CASD1: variants seen among roughly 807,000 people sequenced by gnomAD.
The protein encoded by CASD1 is CAS1 domain sialic acid O acetyltransferase 1, also known as N-acetylneuraminate (7)9-O-acetyltransferase.
Under a neutral mutation model 100.0 loss-of-function variants are expected in CASD1, and 41 were observed. The ratio of observed to expected loss-of-function variants is 0.41; its 90% confidence interval spans 0.32 to 0.53. CASD1 has a LOEUF of 0.53. Ranked by LOEUF, CASD1 falls within the 20% of genes least tolerant of loss-of-function variation. The pLI, the probability that CASD1 is intolerant of heterozygous loss-of-function variation, is 0.25. For synonymous variants in CASD1, 321 were observed against 315.6 expected, an observed-to-expected ratio of 1.02 and a Z score of -0.18; for missense variants, 774 against 948.7, an observed-to-expected ratio of 0.82 and a Z score of 2.42.
intron 5 of CASD1, among the ~76,000 whole-genome samples, chr7:94,532,215 C>T (rs1229917151): frequency 6.6e-6 from 1 of 151,982 alleles, no homozygotes; most frequent in Non-Finnish European, 1.5e-5. Context: ...ATGTTTTTTC[C>T]TATACATACA....
At chr7:94,561,851 T>C (rs1000785398), downstream of CASD1, among the ~76,000 whole-genome samples, 5 of 152,148 alleles carry the variant, frequency 3.3e-5, no homozygotes, top group Non-Finnish European at 7.4e-5. Context: ...GATTTGCTTT[T>C]TATCACTTCC....
At chr7:94,513,405 T>C (rs1793817245) in intron 1 of CASD1, among the ~76,000 whole-genome samples, 1 of 152,140 alleles carries the variant, frequency 6.6e-6, no homozygotes, top group Non-Finnish European at 1.5e-5. Context: ...AAATCTGACC[T>C]GAGCCTACTT....
chr7:94,541,122 A>G (rs1009373499), intron 10 of CASD1, among the ~76,000 whole-genome samples: 2 of 152,036 alleles, frequency 1.3e-5, no homozygotes, highest in Non-Finnish European at 1.5e-5. Context: ...TGATTAACTA[A>G]CATATCCCTG....
chr7:94,617,775 T>C, the CASD1 span: 3 of 116,074 alleles, frequency 2.6e-5, no homozygotes, highest in African/African-American at 3.8e-5. Context: ...CTCACTGTTT[T>C]TCCCCATCTG....
intron 3 of CASD1, among the ~76,000 whole-genome samples, chr7:94,521,697 A>G (rs1794283585): frequency 6.6e-6 from 1 of 152,204 alleles, no homozygotes; most frequent in Non-Finnish European, 1.5e-5. Flanking sequence ...ATACATACGC[A>G]CACACAATTA....
At chr7:94,625,282 C>A in the CASD1 span, 17 of 151,798 alleles carry the variant, frequency 1.1e-4, no homozygotes, top group East Asian at 9.7e-4. Context: ...AAATACTATA[C>A]CTGTTACTAT....
the CASD1 span, among the ~76,000 whole-genome samples, chr7:94,604,862 AGTTGT>A: frequency 1.3e-5 from 1 of 76,052 alleles, no homozygotes; most frequent in Admixed American, 1.5e-4. Context: ...TATATATAAT[AGTTGT>A]TATAACTAAT....
the CASD1 span, among the ~76,000 whole-genome samples, chr7:94,563,869 G>A: frequency 3.3e-5 from 5 of 152,062 alleles, no homozygotes; most frequent in African/African-American, 4.8e-5. Context: ...TCTTGTCATA[G>A]CCCTGACTGC....
chr7:94,602,812 C>G, the CASD1 span, among the ~76,000 whole-genome samples: 106 of 152,208 alleles, frequency 7.0e-4, 1 homozygote, highest in African/African-American at 2.5e-3. Flanking sequence ...TTCTAACTTT[C>G]TTCACTTGGA....
chr7:94,520,925 C>G (rs1009557763), intron 3 of CASD1, among the ~76,000 whole-genome samples: 1 of 152,134 alleles, frequency 6.6e-6, no homozygotes, highest in African/African-American at 2.4e-5. Context: ...AACCCCATCT[C>G]TACTAAAATG....
chr7:94,583,699 C>G, the CASD1 span, among the ~76,000 whole-genome samples: 1 of 152,266 alleles, frequency 6.6e-6, no homozygotes, highest in Non-Finnish European at 1.5e-5. Flanking sequence ...AGAACCACTA[C>G]AGTCAGTATT....
the CASD1 span, among the ~76,000 whole-genome samples, chr7:94,611,301 A>G: frequency 3.9e-5 from 6 of 152,346 alleles, no homozygotes; most frequent in South Asian, 1.2e-3. Context: ...AAAATAGAAT[A>G]TTATTCCATG....
At chr7:94,611,920 A>G in the CASD1 span, among the ~76,000 whole-genome samples, 263 of 152,328 alleles carry the variant, frequency 1.7e-3, 1 homozygote, top group African/African-American at 5.5e-3. Flanking sequence ...TAAAGATCAA[A>G]TTAAAAATTC....
Position 94,517,670 on chromosome 7 carries a change from AT to A in CASD1, c.230+18del. 1 of 1,514,286 alleles carries A rather than the reference AT, an allele frequency of 6.6e-7. No individual in the cohort carries two copies. The highest frequency in any genetic ancestry group is 9.1e-7 in the Non-Finnish European group (1 of 1,095,266). 93.8% of individuals were successfully genotyped at this position (1,514,286 alleles called of 1,614,324 possible). A position where few individuals can be genotyped will look rare whatever the true frequency, so the allele number is the denominator to read the frequency against. ...ATACAAAATCAGGTAACATTTCTTC[AT>A]TTTGTTGTTTTCTTTTTCAGGATGG... On this transcript the variant is annotated intron_variant, in intron 2 of 17. Coordinates refer to ENST00000297273, the MANE Select transcript of CASD1 (RefSeq NM_022900.5).
At chr7:94,551,576 T>TC in intron 15 of CASD1, 98 bp downstream of exon 15, 2 of 495,488 alleles carry the variant, frequency 4.0e-6, no homozygotes, top group Non-Finnish European at 6.1e-6. Context: ...AATCTTTTTT[T>TC]CTCCTTATTT....
chr7:94,523,059 A>G (rs1794372570), intron 3 of CASD1, among the ~76,000 whole-genome samples: 1 of 152,208 alleles, frequency 6.6e-6, no homozygotes, highest in Admixed American at 6.5e-5. Context: ...CTTTATATCA[A>G]ACTTAACCTG....
rs1443298597 is a variant in CASD1, at chr7:94,556,882, A to G, written c.*1124A>G. 1.3e-5 allele frequency: 2 copies of G among 151,982 alleles called. No homozygotes were observed. Among genetic ancestry groups the G allele is most frequent in the Admixed American group, 6.6e-5 (1 of 15,248 alleles). The allele number at this position is 151,982 out of a possible 1,614,324, so 9.4% of individuals were successfully genotyped here. On this transcript the variant is annotated 3_prime_UTR_variant, in exon 18 of 18. Coordinates refer to ENST00000297273, the MANE Select transcript of CASD1 (RefSeq NM_022900.5). ...AAGATTGCACTTGTTTGCTTTTACTATATGTGGGGTAAAATATATTTTCTG... is the reference window on the plus strand; with the variant it reads ...AAGATTGCACTTGTTTGCTTTTACTGTATGTGGGGTAAAATATATTTTCTG...
chr7:94,513,212 C>T (rs888006587), intron 1 of CASD1, among the ~76,000 whole-genome samples: 10 of 149,630 alleles, frequency 6.7e-5, no homozygotes, highest in African/African-American at 2.2e-4. Context: ...TGAATCCCAG[C>T]TGCTCAGGAG....
the CASD1 span, chr7:94,590,855 A>C: frequency 6.6e-6 from 1 of 152,208 alleles, no homozygotes; most frequent in African/African-American, 2.4e-5. Flanking sequence ...GGCAAATATT[A>C]TGTTCCAAAT....
Sources: gnomAD v4.1 joint callset for allele counts (sites outside exome capture counted in the v4.1 genomes callset) on GRCh38, gnomAD v4.1.1 for gene constraint, MANE v1.5 for transcripts, NCBI Gene and HGNC (gene_info 2026-07-23, HGNC 2026-07-21) for gene names.